SGCD: variants seen among roughly 807,000 people sequenced by gnomAD.
SGCD encodes delta-sarcoglycan.
A neutral mutation model predicts 36.6 loss-of-function variants in SGCD; 18 were observed. The observed-to-expected ratio is 0.49, with a 90% confidence interval of 0.34 to 0.73. The LOEUF is 0.73. Among genes scored for constraint, SGCD ranks in the 30% least tolerant of loss-of-function variants. The probability of loss-of-function intolerance (pLI) is 0.01; values close to 1 mark genes in which losing one functional copy is unlikely to be tolerated. For missense variants in SGCD, 387 were observed against 346.7 expected (o/e 1.12, Z -0.92); for synonymous variants, 133 against 130.6 (o/e 1.02, Z -0.12).
the SGCD span, among the ~76,000 whole-genome samples, chr5:155,738,771 TGAGA>T: frequency 2.8e-5 from 4 of 143,718 alleles, no homozygotes; most frequent in Admixed American, 6.9e-5. Flanking sequence ...TGTGAGAGTG[TGAGA>T]GAATGTGTGT....
intron 3 of SGCD, among the ~76,000 whole-genome samples, chr5:156,249,070 T>C (rs936345604): frequency 2.0e-5 from 3 of 152,326 alleles, no homozygotes; most frequent in Admixed American, 6.5e-5. Context: ...AAGATGCCTT[T>C]GAATATATAG....
intron 6 of SGCD, among the ~76,000 whole-genome samples, chr5:156,612,802 G>A (rs1020670317): frequency 6.6e-6 from 1 of 152,300 alleles, no homozygotes; most frequent in South Asian, 2.1e-4. Context: ...AGATGCTGTG[G>A]TGCTGTAGCC....
At chr5:156,102,326 C>A (rs1288596019) in intron 1 of SGCD, among the ~76,000 whole-genome samples, 1 of 152,026 alleles carries the variant, frequency 6.6e-6, no homozygotes, top group East Asian at 1.9e-4. Flanking sequence ...ATAACTCCAT[C>A]CAGTGATGAA....
At chr5:155,851,846 C>G in the SGCD span, among the ~76,000 whole-genome samples, 1 of 152,194 alleles carries the variant, frequency 6.6e-6, no homozygotes, top group Non-Finnish European at 1.5e-5. Context: ...TGGATGGTGT[C>G]TAGAGCCAGA....
chr5:155,891,744 G>C (rs1756136372), intron 1 of SGCD, among the ~76,000 whole-genome samples: 1 of 151,784 alleles, frequency 6.6e-6, no homozygotes, highest in African/African-American at 2.4e-5. Flanking sequence ...TGCCATAATG[G>C]AGAAGCCCTA....
intron 3 of SGCD, among the ~76,000 whole-genome samples, chr5:156,289,357 A>T (rs967216655): frequency 6.6e-6 from 1 of 152,032 alleles, no homozygotes; most frequent in Non-Finnish European, 1.5e-5. Flanking sequence ...CAGGTTTGTT[A>T]CATAGGTAAA....
At chr5:156,203,578 C>A (rs1325553063) in intron 3 of SGCD, among the ~76,000 whole-genome samples, 38 of 152,198 alleles carry the variant, frequency 2.5e-4, no homozygotes, top group Non-Finnish European at 5.9e-5. Flanking sequence ...TTACTATGTT[C>A]CTGACACTGT....
At chr5:155,730,369 G>A in the SGCD span, among the ~76,000 whole-genome samples, 1 of 151,648 alleles carries the variant, frequency 6.6e-6, no homozygotes, top group Non-Finnish European at 1.5e-5. Context: ...ACAATTATCC[G>A]CATTCATGGG....
chr5:155,908,037 A>G (rs143866362), intron 1 of SGCD, among the ~76,000 whole-genome samples: 1 of 152,296 alleles, frequency 6.6e-6, no homozygotes, highest in African/African-American at 2.4e-5. Flanking sequence ...AACCATCGAC[A>G]TTGAGGCAAG....
At chr5:156,670,200 G>A (rs924884684) in intron 7 of SGCD, among the ~76,000 whole-genome samples, 17 of 152,282 alleles carry the variant, frequency 1.1e-4, no homozygotes, top group African/African-American at 3.6e-4. Context: ...ATAAAATTGT[G>A]CTTTTATCCA....
At chr5:156,123,505 A>G (rs532408455) in intron 2 of SGCD, among the ~76,000 whole-genome samples, 3 of 152,120 alleles carry the variant, frequency 2.0e-5, no homozygotes, top group African/African-American at 7.2e-5. Flanking sequence ...GTTTTTGTAT[A>G]CTAAAGATTT....
rs562023057 is a variant in SGCD, at chr5:156,069,345, T to C, written c.-281-48533T>C. ...CCATTTTCAGCTTTCCATATATGGC[T>C]AGCCAGTTTTCCCAGCACCATTTAT... On this transcript the variant is annotated intron_variant, in intron 1 of 9. Coordinates refer to the SGCD transcript ENST00000517913. Among the ~76,000 whole-genome samples the C allele has an allele frequency of 1.2e-4, 19 of 152,254 alleles. No homozygotes were observed. In the East Asian group the frequency reaches 3.7e-3, roughly 29 times the overall value.
At chr5:156,358,409 CAGTTAAGTGAATGGT>C (rs1185754971) in intron 3 of SGCD, among the ~76,000 whole-genome samples, 3 of 152,200 alleles carry the variant, frequency 2.0e-5, no homozygotes, top group African/African-American at 7.2e-5. Context: ...TTCCTAGTCT[CAGTTAAGTGAATGGT>C]TTCTATTGGA....
intron 3 of SGCD, among the ~76,000 whole-genome samples, chr5:156,440,098 C>G (rs139620018): frequency 6.6e-6 from 1 of 152,026 alleles, no homozygotes; most frequent in African/African-American, 2.4e-5. Flanking sequence ...TTCATCATCC[C>G]GAAAGAAAAC....
chr5:156,427,200 G>T (rs1773710463), intron 3 of SGCD, among the ~76,000 whole-genome samples: 1 of 152,058 alleles, frequency 6.6e-6, no homozygotes, highest in South Asian at 2.1e-4. Flanking sequence ...CCATTTGTTT[G>T]TGTCACATAT....
At chr5:156,617,811 G>A (rs184709080) in intron 6 of SGCD, among the ~76,000 whole-genome samples, 496 of 152,220 alleles carry the variant, frequency 3.3e-3, no homozygotes, top group Non-Finnish European at 5.8e-3. Flanking sequence ...GCCCTCCCTG[G>A]TACATCCTCA....
At chr5:156,262,016 G>T (rs1167310299) in intron 3 of SGCD, among the ~76,000 whole-genome samples, 2 of 152,128 alleles carry the variant, frequency 1.3e-5, no homozygotes, top group Admixed American at 1.3e-4. Context: ...AAATTAAAAA[G>T]TTTGTAATTA....
intron 7 of SGCD, among the ~76,000 whole-genome samples, chr5:156,697,308 A>G (rs1754358638): frequency 6.6e-6 from 1 of 152,154 alleles, no homozygotes; most frequent in Non-Finnish European, 1.5e-5. Context: ...TGTTGCTTTA[A>G]TGGCGCAGCT....
At chr5:155,766,794 C>T in the SGCD span, among the ~76,000 whole-genome samples, 1 of 152,218 alleles carries the variant, frequency 6.6e-6, no homozygotes, top group South Asian at 2.1e-4. Context: ...AAATTAAAAC[C>T]AAGGGAGTCT....
Sources: allele counts gnomAD v4.1 joint callset (sites outside exome capture counted in the v4.1 genomes callset), GRCh38; gene constraint gnomAD v4.1.1; transcripts MANE v1.5; gene names NCBI Gene and HGNC (gene_info 2026-07-23, HGNC 2026-07-21).